BTBD9: variants seen among roughly 807,000 people sequenced by gnomAD.
BTBD9 encodes BTB/POZ domain-containing protein 9.
BTBD9 carries 49 observed loss-of-function variants against 64.3 expected under a neutral mutation model. That is an observed-to-expected ratio of 0.76 (90% CI 0.61 to 0.97). BTBD9 has a LOEUF of 0.97. Among genes scored for constraint, BTBD9 ranks in the 50% least tolerant of loss-of-function variants. The pLI is 0.00. For missense variants in BTBD9, 598 were observed against 762.1 expected (o/e 0.78, Z 2.53); for synonymous variants, 260 against 274.7 (o/e 0.95, Z 0.53).
chr6:38,259,462 G>A (rs909515033), intron 8 of BTBD9, among the ~76,000 whole-genome samples: 1 of 152,184 alleles, frequency 6.6e-6, no homozygotes, highest in African/African-American at 2.4e-5. Flanking sequence ...GAGTGCAGTG[G>A]TGCAATCATA....
intron 9 of BTBD9, among the ~76,000 whole-genome samples, chr6:38,195,275 T>G (rs1762237383): frequency 6.6e-6 from 1 of 152,236 alleles, no homozygotes; most frequent in Non-Finnish European, 1.5e-5. Flanking sequence ...ACCTGCATTG[T>G]TTAGTCAATG....
intron 6 of BTBD9, among the ~76,000 whole-genome samples, chr6:38,559,341 A>G (rs902524716): frequency 2.1e-5 from 3 of 144,796 alleles, no homozygotes; most frequent in South Asian, 2.1e-4. Context: ...ACATACAGGG[A>G]AAAAAAAAAC....
At chr6:38,540,769 G>A (rs1303378961) in intron 6 of BTBD9, among the ~76,000 whole-genome samples, 1 of 152,224 alleles carries the variant, frequency 6.6e-6, no homozygotes, top group Non-Finnish European at 1.5e-5. Context: ...CCGACTAGCA[G>A]GAGAGCTTCA....
intron 1 of BTBD9, among the ~76,000 whole-genome samples, chr6:38,602,931 C>T (rs1392276173): frequency 6.6e-6 from 1 of 152,076 alleles, no homozygotes; most frequent in African/African-American, 2.4e-5. Flanking sequence ...GACATTCCAT[C>T]TGATATATCC....
intron 7 of BTBD9, among the ~76,000 whole-genome samples, chr6:38,340,061 GAA>G: frequency 6.6e-6 from 1 of 152,168 alleles, no homozygotes; most frequent in African/African-American, 2.4e-5. Flanking sequence ...TACCTATGAG[GAA>G]AAAGAGATGA....
chr6:38,623,352 T>G (rs1778055450), intron 1 of BTBD9, among the ~76,000 whole-genome samples: 1 of 152,178 alleles, frequency 6.6e-6, no homozygotes, highest in Admixed American at 6.5e-5. Context: ...GGGATAGGAA[T>G]GGCCACTGCT....
chr6:38,412,065 T>C (rs1449015640), intron 6 of BTBD9, among the ~76,000 whole-genome samples: 2 of 152,024 alleles, frequency 1.3e-5, no homozygotes, highest in Admixed American at 6.6e-5. Flanking sequence ...AGAGAAACAT[T>C]TCCTATGTGA....
At chr6:38,317,909 T>C (rs1252161779) in intron 7 of BTBD9, among the ~76,000 whole-genome samples, 1 of 151,976 alleles carries the variant, frequency 6.6e-6, no homozygotes, top group East Asian at 1.9e-4. Context: ...CTGTGTTATC[T>C]TGAATTTGAG....
At chr6:38,369,895 T>C (rs1362475303) in intron 6 of BTBD9, among the ~76,000 whole-genome samples, 1 of 152,238 alleles carries the variant, frequency 6.6e-6, no homozygotes, top group African/African-American at 2.4e-5. Context: ...GCAACTATCA[T>C]TGGCTATGTA....
At chr6:38,571,875 A>T (rs1775788628) in intron 6 of BTBD9, 1 of 152,166 alleles carries the variant, frequency 6.6e-6, no homozygotes, top group South Asian at 2.1e-4. Context: ...TAGAAGAATC[A>T]TTTGAGCCCA....
intron 6 of BTBD9, among the ~76,000 whole-genome samples, chr6:38,543,544 C>A (rs185385507): frequency 8.9e-4 from 135 of 152,290 alleles, no homozygotes; most frequent in African/African-American, 3.1e-3. Flanking sequence ...CAATTCATTT[C>A]TCATTTTTTC....
intron 10 of BTBD9, among the ~76,000 whole-genome samples, chr6:38,182,203 T>G (rs1761587647): frequency 6.6e-6 from 1 of 152,158 alleles, no homozygotes; most frequent in African/African-American, 2.4e-5. Flanking sequence ...TTTCTCATAT[T>G]CACATAGGCC....
At chr6:38,292,648 G>A (rs1762005120) in intron 7 of BTBD9, among the ~76,000 whole-genome samples, 3 of 152,102 alleles carry the variant, frequency 2.0e-5, no homozygotes, top group Admixed American at 6.5e-5. Context: ...ATATTTCTGT[G>A]GGATCAGTGG....
intron 6 of BTBD9, among the ~76,000 whole-genome samples, chr6:38,471,668 A>G (rs1770657828): frequency 6.6e-6 from 1 of 152,146 alleles, no homozygotes; most frequent in Non-Finnish European, 1.5e-5. Flanking sequence ...TACAGGTATG[A>G]GCCACTGTGC....
In BTBD9 at chr6:38,577,676, A is replaced by G; in HGVS notation, c.1078T>C (p.Trp360Arg). The G allele has an allele frequency of 1.9e-6, 3 of 1,610,436 alleles. No homozygotes were observed. The highest frequency in any genetic ancestry group is 1.7e-6 in the Non-Finnish European group (2 of 1,179,500). The change falls in exon 6 of 11, where the codon TGG (tryptophan) becomes CGG (arginine). Residue 360 changes from tryptophan (W) to arginine (R), a missense_variant. Transcript: ENST00000481247. Reference sequence around the variant, plus strand: ...TGTGAATGATCTATCACTCTGACCCAATCAAGTTCATCCATTGACACTTCA... The same window carrying G: ...TGTGAATGATCTATCACTCTGACCCGATCAAGTTCATCCATTGACACTTCA... ...FIEVSMDELDWVRVIDHSQYL... is the reference protein window; with the variant it reads ...FIEVSMDELDRVRVIDHSQYL...
At chr6:38,204,437 G>A (rs1762568547) in intron 9 of BTBD9, among the ~76,000 whole-genome samples, 1 of 152,132 alleles carries the variant, frequency 6.6e-6, no homozygotes, top group Non-Finnish European at 1.5e-5. Flanking sequence ...AACCCGCTAA[G>A]TGAAAGAAGC....
At chr6:38,309,405 C>T (rs566068317) in intron 7 of BTBD9, among the ~76,000 whole-genome samples, 18 of 151,394 alleles carry the variant, frequency 1.2e-4, no homozygotes, top group Non-Finnish European at 2.2e-4. Context: ...AAAAAAACCA[C>T]GAAAAAGTGG....
At chr6:38,448,246 C>T (rs1375670446) in intron 6 of BTBD9, among the ~76,000 whole-genome samples, 1 of 152,054 alleles carries the variant, frequency 6.6e-6, no homozygotes, top group East Asian at 1.9e-4. Context: ...ACTTCTCTAA[C>T]CTTACACATG....
intron 6 of BTBD9, among the ~76,000 whole-genome samples, chr6:38,422,281 T>C (rs1195221474): frequency 6.6e-6 from 1 of 152,196 alleles, no homozygotes; most frequent in East Asian, 1.9e-4. Flanking sequence ...CTTAGCAAGC[T>C]ACTGTAAAAT....
Sources: allele counts gnomAD v4.1 joint callset (sites outside exome capture counted in the v4.1 genomes callset), GRCh38; gene constraint gnomAD v4.1.1; transcripts MANE v1.5; gene names NCBI Gene and HGNC (gene_info 2026-07-23, HGNC 2026-07-21).